COL5A1: variants seen among roughly 807,000 people sequenced by gnomAD.
The protein encoded by COL5A1 is collagen type V alpha 1 chain.
A neutral mutation model predicts 263.7 loss-of-function variants in COL5A1; 16 were observed. The ratio of observed to expected loss-of-function variants is 0.06; its 90% CI spans 0.04 to 0.09. The LOEUF (loss-of-function observed/expected upper bound fraction) is 0.09, where lower values mean the gene tolerates loss of function less well. Among genes scored for constraint, COL5A1 ranks in the 10% least tolerant of loss-of-function variants. COL5A1 has a pLI of 1.00. For missense variants in COL5A1, 2,036 were observed against 2,540.5 expected (o/e 0.80, Z 4.27); for synonymous variants, 1,012 against 1,004.5 (o/e 1.01, Z -0.14).
chr9:134,689,372 CT>C (rs1833192339), intron 1 of COL5A1, among the ~76,000 whole-genome samples: 1 of 152,186 alleles, frequency 6.6e-6, no homozygotes, highest in Non-Finnish European at 1.5e-5. Context: ...GAGCGGGGAA[CT>C]GATAGCTGAG....
In COL5A1 at chr9:134,834,960, T is replaced by C. The variant is rs183495554; in HGVS notation, c.5137-11T>C. On this transcript the variant is annotated splice_polypyrimidine_tract_variant and intron_variant, in intron 64 of 65. Coordinates refer to ENST00000371817, the MANE Select transcript of COL5A1 (RefSeq NM_000093.5). ...CCACCCTGCTGAGCCCCAACACCCC[T>C]GTCCCCCCAGCTCTCCTATGTGGAC... 9.1e-4 allele frequency: 1,449 copies of C among 1,600,592 alleles called. 15 individuals carry two copies. The African/African-American group carries it at 0.017, about 19-fold the overall frequency.
At chr9:134,688,583 G>A (rs1040860710) in intron 1 of COL5A1, among the ~76,000 whole-genome samples, 6 of 152,244 alleles carry the variant, frequency 3.9e-5, no homozygotes, top group African/African-American at 1.4e-4. Flanking sequence ...GGGGGTGACA[G>A]AGCTGGGTGG....
At chr9:134,767,857 C>T (rs192288091) in intron 24 of COL5A1, among the ~76,000 whole-genome samples, 4 of 152,268 alleles carry the variant, frequency 2.6e-5, no homozygotes, top group Admixed American at 6.5e-5. Flanking sequence ...GCCTTGGTTG[C>T]GATCAGCAAA....
intron 2 of COL5A1, among the ~76,000 whole-genome samples, chr9:134,699,094 G>C (rs1833579620): frequency 3.9e-5 from 6 of 152,188 alleles, no homozygotes; most frequent in Admixed American, 3.9e-4. Flanking sequence ...AGGTGGCCCA[G>C]GGTGAGAGCA....
At chr9:134,653,993 G>A (rs1439046494) in intron 1 of COL5A1, among the ~76,000 whole-genome samples, 14 of 148,524 alleles carry the variant, frequency 9.4e-5, no homozygotes, top group Admixed American at 4.0e-4. Context: ...TATAGGGCTG[G>A]TGTGTGTAGG....
chr9:134,642,886 C>A lies in COL5A1; in HGVS notation c.109+590C>A, dbSNP rs944856599. On this transcript the variant is annotated intron_variant, in intron 1 of 65. Coordinates refer to ENST00000371817, the MANE Select transcript of COL5A1 (RefSeq NM_000093.5). This position sits in a 1 kb window ranked among gnomAD's most constrained non-coding sequence, Gnocchi z 4.5. ...CTAAGTGTTCGGGGGCACTGGGGACCCCTGCAGGGTGGTAGACAGCCCTGC... is the reference window on the plus strand; with the variant it reads ...CTAAGTGTTCGGGGGCACTGGGGACACCTGCAGGGTGGTAGACAGCCCTGC... Among the ~76,000 whole-genome samples, 3 of 152,198 alleles carry A rather than the reference C, an allele frequency of 2.0e-5. No individual in the cohort carries two copies. The highest frequency in any genetic ancestry group is 4.4e-5 in the Non-Finnish European group (3 of 68,028).
chr9:134,738,840 A>C (rs1835197844), intron 11 of COL5A1, 32 bp downstream of exon 11: 5 of 1,593,510 alleles, frequency 3.1e-6, no homozygotes, highest in Non-Finnish European at 4.3e-6. Flanking sequence ...CTGAGATCAC[A>C]CAAGGTGTGG....
chr9:134,841,019 C>T lies in COL5A1; in HGVS notation c.5371-1138C>T, dbSNP rs766186758. On this transcript the variant is annotated intron_variant, in intron 65 of 65. Transcript: ENST00000371817. The surrounding 1 kb of genome is among the most constrained non-coding windows in gnomAD (Gnocchi z 4.8). ...AGCTGCTGTCTGCTATCCGAATCTCCGGCCTGGGAGTCTGCGCTGGGCCCT... is the reference window on the plus strand; with the variant it reads ...AGCTGCTGTCTGCTATCCGAATCTCTGGCCTGGGAGTCTGCGCTGGGCCCT... Among the ~76,000 whole-genome samples the T allele has an allele frequency of 8.6e-4, 131 of 152,220 alleles. 1 individual carries two copies. The highest frequency in any genetic ancestry group is 2.9e-3 in the African/African-American group (121 of 41,466).
Position 134,741,312 on chromosome 9 carries a change from T to C in COL5A1, c.1494+2504T>C, listed in dbSNP as rs73664113. 3.8e-3 allele frequency among the ~76,000 whole-genome samples: 584 copies of C among 152,336 alleles called. 8 individuals carry two copies. The highest frequency in any genetic ancestry group is 0.012 in the African/African-American group (519 of 41,578). ...CGATTTTAACACTTTTAATCTTCTATGCACGGGGGCTTCGCAGACAAGAAG... is the reference window on the plus strand; with the variant it reads ...CGATTTTAACACTTTTAATCTTCTACGCACGGGGGCTTCGCAGACAAGAAG... On this transcript the variant is annotated intron_variant, in intron 11 of 65. Coordinates refer to ENST00000371817, the MANE Select transcript of COL5A1 (RefSeq NM_000093.5). The surrounding 1 kb of genome is among the most constrained non-coding windows in gnomAD (Gnocchi z 4.5).
chr9:134,803,003 T>C lies in COL5A1; in HGVS notation c.3114+8T>C. The C allele has an allele frequency of 5.1e-6, 8 of 1,579,076 alleles. No individual in the cohort carries two copies. Among genetic ancestry groups the C allele is most frequent in the Non-Finnish European group, 6.9e-6 (8 of 1,159,514 alleles). On this transcript the variant is annotated splice_region_variant and intron_variant, in intron 39 of 65. Transcript: ENST00000371817. ...GGAAAAGAAGGGACGAAGGTGAGTTTCTGGAGCCTTCTGTGTCAGCTCAGG... is the reference window on the plus strand; with the variant it reads ...GGAAAAGAAGGGACGAAGGTGAGTTCCTGGAGCCTTCTGTGTCAGCTCAGG...
chr9:134,776,487 G>T (rs1837055277), intron 27 of COL5A1, among the ~76,000 whole-genome samples: 1 of 152,204 alleles, frequency 6.6e-6, no homozygotes, highest in Non-Finnish European at 1.5e-5. Flanking sequence ...GAAAACCGAG[G>T]TTTAAAATTA....
chr9:134,711,077 G>A (rs1044189786), intron 4 of COL5A1, among the ~76,000 whole-genome samples: 13 of 152,110 alleles, frequency 8.5e-5, no homozygotes, highest in Non-Finnish European at 1.5e-4. Context: ...ATGGGAAGCC[G>A]GGAAGGGAGC....
rs530155274 is a variant in COL5A1 at position 134,680,506 on chromosome 9, C to G, written c.110-10406C>G. ...TGGCTGAGGACACCAACCTGGTCCC[C>G]GCTGTGGAGGGCGGAGCTGGCATCC... On this transcript the variant is annotated intron_variant, in intron 1 of 65. Coordinates refer to ENST00000371817, the MANE Select transcript of COL5A1 (RefSeq NM_000093.5). This position sits in a 1 kb window ranked among gnomAD's most constrained non-coding sequence, Gnocchi z 5.9. Among the ~76,000 whole-genome samples, 1 of 152,210 alleles carries G rather than the reference C, an allele frequency of 6.6e-6. No individual in the cohort carries two copies. Among genetic ancestry groups the G allele is most frequent in the Non-Finnish European group, 1.5e-5 (1 of 68,044 alleles).
intron 2 of COL5A1, among the ~76,000 whole-genome samples, chr9:134,697,103 C>A (rs1258256653): frequency 6.6e-6 from 1 of 151,884 alleles, no homozygotes; most frequent in Non-Finnish European, 1.5e-5. Context: ...CTGAGGGAGT[C>A]CGGAGCCCAC....
chr9:134,699,972 C>T lies in COL5A1; in HGVS notation c.341C>T (p.Ala114Val), dbSNP rs147589613. The T allele has an allele frequency of 6.2e-7, 1 of 1,613,828 alleles. No homozygotes were observed. The highest frequency in any genetic ancestry group is 2.2e-5 in the East Asian group (1 of 44,894). Residue 114 changes from alanine (A) to valine (V), a missense_variant, in exon 3 of 66, where the codon GCC (alanine) becomes GTC (valine). Coordinates refer to ENST00000371817, the MANE Select transcript of COL5A1 (RefSeq NM_000093.5). ...GTGAAAGCCAAGAAAGGCAGCCAGG[C>T]CTTCCTGGTCTCCATCTACAACGAG... ...TTVKAKKGSQ[A>V]FLVSIYNEQG...
intron 63 of COL5A1, among the ~76,000 whole-genome samples, chr9:134,828,714 C>T (rs561425880): frequency 1.1e-4 from 17 of 151,672 alleles, no homozygotes; most frequent in South Asian, 4.1e-4. Context: ...CACATAGATA[C>T]GCACCACACA....
intron 1 of COL5A1, among the ~76,000 whole-genome samples, chr9:134,679,465 T>G (rs575401008): frequency 1.8e-4 from 6 of 32,756 alleles, no homozygotes; most frequent in African/African-American, 9.1e-4. Flanking sequence ...CTGCGGGGCT[T>G]CTTAGGGGGC....
chr9:134,792,870 CGTTTGT>C (rs1837761673), intron 32 of COL5A1, among the ~76,000 whole-genome samples: 1 of 32,514 alleles, frequency 3.1e-5, no homozygotes, highest in African/African-American at 9.4e-5. Context: ...TGTGTGCGCG[CGTTTGT>C]GCACACGTGT....
chr9:134,822,938 G>A, intron 59 of COL5A1, 60 bp from the exon 60 acceptor site: 2 of 1,602,300 alleles, frequency 1.2e-6, no homozygotes, highest in Middle Eastern at 1.7e-4. Context: ...AGGACATGGA[G>A]CACGGTGGGG....
Sources: gnomAD v4.1 joint callset for allele counts (sites outside exome capture counted in the v4.1 genomes callset) on GRCh38, gnomAD v4.1.1 for gene constraint, Gnocchi (gnomAD v3.1) non-coding constraint, MANE v1.5 for transcripts, NCBI Gene and HGNC (gene_info 2026-07-23, HGNC 2026-07-21) for gene names.